RALGDS: variants seen among roughly 807,000 people sequenced by gnomAD.
The protein encoded by RALGDS is ral guanine nucleotide dissociation stimulator.
Under a neutral mutation model 99.8 loss-of-function variants are expected in RALGDS, and 44 were observed. That is an observed-to-expected ratio of 0.44 (90% CI 0.35 to 0.57). RALGDS has a LOEUF of 0.57. Ranked by LOEUF, RALGDS falls within the 20% of genes least tolerant of loss-of-function variation. The probability of loss-of-function intolerance (pLI) is 0.01; values close to 1 mark genes in which losing one functional copy is unlikely to be tolerated. For missense variants in RALGDS, 1,022 were observed against 1,203.1 expected (o/e 0.85, Z 2.23); for synonymous variants, 529 against 505.0 (o/e 1.05, Z -0.64).
intron 2 of RALGDS, 47 bp downstream of exon 2, chr9:133,111,995 A>AG: frequency 2.1e-6 from 3 of 1,411,826 alleles, no homozygotes; most frequent in Non-Finnish European, 2.9e-6. Flanking sequence ...AAGTCCTGGG[A>AG]GGGATCCCCA....
intron 3 of RALGDS, among the ~76,000 whole-genome samples, chr9:133,110,002 A>T (rs1831263150): frequency 6.6e-6 from 1 of 152,162 alleles, no homozygotes. Context: ...GCCACATACA[A>T]GAGAGGCTTG....
At chr9:133,137,371 C>T (rs1048318945) in intron 1 of RALGDS, among the ~76,000 whole-genome samples, 2 of 152,260 alleles carry the variant, frequency 1.3e-5, no homozygotes, top group African/African-American at 2.4e-5. Flanking sequence ...ACAGCTGGCT[C>T]TCCATAAATG....
intron 1 of RALGDS, among the ~76,000 whole-genome samples, chr9:133,114,424 T>C (rs1831494650): frequency 6.6e-6 from 1 of 152,050 alleles, no homozygotes; most frequent in Non-Finnish European, 1.5e-5. Context: ...GGGAACAAAG[T>C]GGCAGAGTAA....
intron 5 of RALGDS, 26 bp downstream of exon 5, chr9:133,108,647 C>T: frequency 6.2e-7 from 1 of 1,612,056 alleles, no homozygotes; most frequent in South Asian, 1.1e-5. Context: ...CATTCACCCT[C>T]TGGCACCCAC....
chr9:133,098,413 C>T lies in RALGDS; in HGVS notation c.*174G>A. 1.5e-6 allele frequency: 1 copy of T among 687,948 alleles called. No homozygotes were observed. The highest frequency in any genetic ancestry group is 2.5e-6 in the Non-Finnish European group (1 of 403,790). The allele number at this position is 687,948 out of a possible 1,614,324, so 42.6% of individuals were successfully genotyped here. ...AGGCAGCGAGTGGTCCACGGGAGGC[C>T]AGGTCAGCCTGACCAATGGCAGGCG... is the stretch of plus-strand genomic sequence containing the variant. On this transcript the variant is annotated 3_prime_UTR_variant, in exon 18 of 18. Coordinates refer to ENST00000372050, the MANE Select transcript of RALGDS (RefSeq NM_006266.4).
upstream of RALGDS, among the ~76,000 whole-genome samples, chr9:133,133,225 G>A (rs1006899899): frequency 2.6e-5 from 4 of 152,202 alleles, no homozygotes; most frequent in African/African-American, 4.8e-5. Flanking sequence ...TCCTCCTTTC[G>A]GAGCCAGGGT....
In RALGDS at chr9:133,110,537, T is replaced by C. The variant is rs371077544; in HGVS notation, c.295-48A>G. ...CAGACAGTCAGTGGCAGCACACGAATCTCCTGGAGCTCAGATGGAACCCCG... is the reference window on the plus strand; with the variant it reads ...CAGACAGTCAGTGGCAGCACACGAACCTCCTGGAGCTCAGATGGAACCCCG... On this transcript the variant is annotated intron_variant, in intron 2 of 17. Transcript: ENST00000372050. 9 of 1,528,280 alleles carry C rather than the reference T, an allele frequency of 5.9e-6. No individual in the cohort carries two copies. In the Admixed American group the frequency reaches 1.2e-4, roughly 20 times the overall value. 94.7% of individuals were successfully genotyped at this position (1,528,280 alleles called of 1,614,324 possible). A position where few individuals can be genotyped will look rare whatever the true frequency, so the allele number is the denominator to read the frequency against.
chr9:133,145,929 T>G (rs1268668029), intron 1 of RALGDS, among the ~76,000 whole-genome samples: 1 of 152,158 alleles, frequency 6.6e-6, no homozygotes, highest in East Asian at 1.9e-4. Context: ...GACCCCTGGA[T>G]TTTGGACCTC....
At position 133,121,015 on chromosome 9, in the gene RALGDS, A is replaced by G; in HGVS notation, c.140T>C (p.Leu47Pro). Reference sequence around the variant, plus strand: ...GGGGTCTAGCTGCGTGAAGCTGTGCAGCACCACCGGGCAGCTGTCGGGGAC... The same window carrying G: ...GGGGTCTAGCTGCGTGAAGCTGTGCGGCACCACCGGGCAGCTGTCGGGGAC... ...VGVPDSCPVV[L>P]HSFTQLDPDL... The change falls in exon 1 of 18, where the codon CTG becomes CCG. Residue 47 changes from leucine (L) to proline (P), a missense_variant. Physicochemically the swap from Leu to Pro is moderately conservative, Grantham distance 98. Around this residue, in one of 3 missense-constraint regions of RALGDS, gnomAD observed 180 missense variants for 169.3 expected, o/e 1.06. Coordinates refer to ENST00000372050, the MANE Select transcript of RALGDS (RefSeq NM_006266.4). The G allele has an allele frequency of 1.3e-6, 2 of 1,497,882 alleles. No individual in the cohort carries two copies. Among genetic ancestry groups the G allele is most frequent in the Non-Finnish European group, 1.8e-6 (2 of 1,130,178 alleles). The allele number at this position is 1,497,882 out of a possible 1,614,324, so 92.8% of individuals were successfully genotyped here. A position where few individuals can be genotyped will look rare whatever the true frequency, so the allele number is the denominator to read the frequency against.
At chr9:133,125,141 T>TA (rs1022047150), upstream of RALGDS, among the ~76,000 whole-genome samples, 7 of 152,070 alleles carry the variant, frequency 4.6e-5, no homozygotes, top group African/African-American at 1.2e-4. Flanking sequence ...GACAACTGTT[T>TA]AAAAAAAACA....
chr9:133,139,386 G>A (rs951065233), intron 1 of RALGDS, among the ~76,000 whole-genome samples: 2 of 152,188 alleles, frequency 1.3e-5, no homozygotes, highest in East Asian at 1.9e-4. Flanking sequence ...AACGGCAAGC[G>A]GCTATTTCGA....
rs1447532901 is a variant in RALGDS, at chr9:133,109,702, G to C, written c.508C>G (p.Leu170Val). Residue 170 changes from leucine (L) to valine (V), a missense_variant, in exon 4 of 18, where the codon CTC becomes GTC. By Grantham distance (32) the Leu-to-Val change is conservative (BLOSUM62 1). Around this residue, in one of 3 missense-constraint regions of RALGDS, gnomAD observed 825 missense variants for 994.5 expected, o/e 0.83. Coordinates refer to ENST00000372050, the MANE Select transcript of RALGDS (RefSeq NM_006266.4). ...CAGCCGTATCTAGAGGAGGCCGTGA[G>C]GGCGTCACATCTACCGTACCTGCTT... ...LFKRYGRCDA[L>V]TASSRYGCIL... 3.1e-5 allele frequency: 50 copies of C among 1,613,780 alleles called. No homozygotes were observed. Among genetic ancestry groups the C allele is most frequent in the Non-Finnish European group, 3.6e-5 (43 of 1,179,910 alleles).
Position 133,108,248 on chromosome 9 carries a change from G to C in RALGDS, c.937C>G (p.Pro313Ala). Reference sequence around the variant, plus strand: ...GGCTCTGGAGCCTGCTGGAGCTCCGGAGCTGGTGCTGGAGCTACTTCTAGC... The same window carrying C: ...GGCTCTGGAGCCTGCTGGAGCTCCGCAGCTGGTGCTGGAGCTACTTCTAGC... Reference protein sequence around the residue: ...SELEVAPAPAPELQQAPEPAV... With the variant: ...SELEVAPAPAAELQQAPEPAV... Residue 313 changes from proline to alanine, a missense_variant, in exon 6 of 18, where the codon CCG becomes GCG. Around this residue, in one of 3 missense-constraint regions of RALGDS, gnomAD observed 825 missense variants for 994.5 expected, o/e 0.83. Coordinates refer to ENST00000372050, the MANE Select transcript of RALGDS (RefSeq NM_006266.4). 6.2e-7 allele frequency: 1 copy of C among 1,602,840 alleles called. No individual in the cohort carries two copies. Among genetic ancestry groups the C allele is most frequent in the Non-Finnish European group, 8.5e-7 (1 of 1,174,868 alleles).
In RALGDS at chr9:133,098,283, A is replaced by G; in HGVS notation, c.*304T>C. 1 of 472,742 alleles carries G rather than the reference A, an allele frequency of 2.1e-6. No homozygotes were observed. Among genetic ancestry groups the G allele is most frequent in the South Asian group, 2.0e-5 (1 of 48,950 alleles). 29.3% of individuals were successfully genotyped at this position (472,742 alleles called of 1,614,324 possible). ...CTGGGAAGGTGTCAGGGAAGTGTAC[A>G]GAGGTGGCGCCCGGGGGCAGGCAGG... is the stretch of plus-strand genomic sequence containing the variant. On this transcript the variant is annotated 3_prime_UTR_variant, in exon 18 of 18. Transcript: ENST00000372050.
intron 1 of RALGDS, among the ~76,000 whole-genome samples, chr9:133,148,544 T>G: frequency 6.6e-6 from 1 of 152,112 alleles, no homozygotes; most frequent in Non-Finnish European, 1.5e-5. Context: ...CCAGGAAGTG[T>G]GTGGTGTGTG....
chr9:133,120,427 G>GCCC (rs1491378609), intron 1 of RALGDS, among the ~76,000 whole-genome samples: 72 of 28,978 alleles, frequency 2.5e-3, no homozygotes, highest in Non-Finnish European at 3.3e-3. Flanking sequence ...CCCATCCCCC[G>GCCC]ACCCCCCCCC....
chr9:133,146,608 T>C (rs1381751467), intron 1 of RALGDS, among the ~76,000 whole-genome samples: 4 of 152,094 alleles, frequency 2.6e-5, no homozygotes, highest in African/African-American at 4.8e-5. Flanking sequence ...GTGATCCCCT[T>C]CCTCCGAGGG....
chr9:133,126,231 C>G (rs975113722), upstream of RALGDS, among the ~76,000 whole-genome samples: 16 of 151,908 alleles, frequency 1.1e-4, no homozygotes, highest in African/African-American at 3.6e-4. Context: ...AACCTCCCCC[C>G]GGGACGTGCA....
chr9:133,115,345 C>T (rs767719552), intron 1 of RALGDS, among the ~76,000 whole-genome samples: 4 of 152,218 alleles, frequency 2.6e-5, no homozygotes, highest in Admixed American at 6.5e-5. Flanking sequence ...CTCTAGCCTG[C>T]ACCTCGGCCT....
Sources: allele counts gnomAD v4.1 joint callset (sites outside exome capture counted in the v4.1 genomes callset), GRCh38; gene constraint gnomAD v4.1.1; regional missense constraint gnomAD v4.1.1; transcripts MANE v1.5; gene names NCBI Gene and HGNC (gene_info 2026-07-23, HGNC 2026-07-21).